PCID2: variants seen among roughly 807,000 people sequenced by gnomAD.
PCID2 encodes the protein PCI domain-containing protein 2.
PCID2 carries 41 observed loss-of-function variants against 61.3 expected under a neutral mutation model. The ratio of observed to expected loss-of-function variants is 0.67; its 90% CI spans 0.52 to 0.87. PCID2 has a LOEUF of 0.87. Among genes scored for constraint, PCID2 ranks in the 40% least tolerant of loss-of-function variants. PCID2 has a pLI of 0.00. For missense variants in PCID2, 392 were observed against 493.4 expected, an observed-to-expected ratio of 0.79 and a Z score of 1.95; for synonymous variants, 187 against 177.8, an observed-to-expected ratio of 1.05 and a Z score of -0.41.
chr13:113,176,504 G>A (rs2037188887), downstream of PCID2, among the ~76,000 whole-genome samples: 1 of 152,302 alleles, frequency 6.6e-6, no homozygotes, highest in Non-Finnish European at 1.5e-5. Flanking sequence ...GCACATGCCT[G>A]TCACCCCAGC....
Position 113,196,196 on chromosome 13 carries a change from T to A in PCID2, c.293A>T (p.His98Leu), listed in dbSNP as rs1303389348. 6.2e-7 allele frequency: 1 copy of A among 1,605,294 alleles called. No individual in the cohort carries two copies. Among genetic ancestry groups the A allele is most frequent in the Non-Finnish European group, 8.5e-7 (1 of 1,173,258 alleles). Residue 98 changes from histidine (H) to leucine (L), a missense_variant, in exon 5 of 14, where the codon CAC becomes CTC. Physicochemically the swap from His to Leu is moderately conservative, Grantham distance 99 (BLOSUM62 -3). Around this residue, in one of 3 missense-constraint regions of PCID2, gnomAD observed 155 missense variants for 164.9 expected, o/e 0.94. Transcript: ENST00000337344. ...VQSFLRAFQA[H>L]KEENWALPVM... ...TCACACTTACCAGTTTTCTTCTTTG[T>A]GGGCCTGGAATGCTCGCAAGAATGA... is the stretch of plus-strand genomic sequence containing the variant.
rs942019197 is a variant in PCID2, at chr13:113,186,644, T to G, written c.468-1084A>C. The stretch of plus-strand genomic sequence containing the variant: ...GCCCTACGGAGTCTCACACTGTATT[T>G]TTACTGCATCTTTTCTGTGTTTAGA... On this transcript the variant is annotated intron_variant, in intron 7 of 13. Coordinates refer to ENST00000337344, the MANE Select transcript of PCID2 (RefSeq NM_001127202.4). The G allele has an allele frequency of 3.9e-5, 6 of 152,184 alleles. No homozygotes were observed. The South Asian group carries it at 8.3e-4, about 21-fold the overall frequency. 9.4% of individuals were successfully genotyped at this position (152,184 alleles called of 1,614,324 possible).
In PCID2 at chr13:113,184,358, C is replaced by T. The variant is rs530835871; in HGVS notation, c.673G>A (p.Asp225Asn). 7.4e-6 allele frequency: 12 copies of T among 1,613,108 alleles called. No individual in the cohort carries two copies. The highest frequency in any genetic ancestry group is 1.7e-4 in the Middle Eastern group (1 of 6,060). Reference sequence around the variant, plus strand: ...ATTAGCAACATACCTTGCTTAAAATCGCTGTCAAACATAGCCTTGCGTCCA... The same window carrying T: ...ATTAGCAACATACCTTGCTTAAAATTGCTGTCAAACATAGCCTTGCGTCCA... ...YVGRKAMFDS[D>N]FKQAEEYLSF... Residue 225 changes from aspartate (D) to asparagine (N), a missense_variant, in exon 9 of 14, where the codon GAT becomes AAT. By Grantham distance (23) the Asp-to-Asn change is conservative. Around this residue, in one of 3 missense-constraint regions of PCID2, gnomAD observed 226 missense variants for 296.5 expected, o/e 0.76. Transcript: ENST00000337344.
At chr13:113,201,199 G>A (rs148329170) in intron 1 of PCID2, among the ~76,000 whole-genome samples, 1,851 of 152,176 alleles carry the variant, frequency 0.012, 33 homozygotes, top group African/African-American at 0.041. Flanking sequence ...CATACAATGC[G>A]ATACTCGGCT....
chr13:113,197,343 G>A, intron 3 of PCID2, 100 bp from the exon 4 acceptor site: 1 of 811,836 alleles, frequency 1.2e-6, no homozygotes, highest in Non-Finnish European at 2.1e-6. Context: ...AGTGGTCCTG[G>A]GATGAAAGGA....
At chr13:113,199,654 T>C (rs2039271935) in intron 2 of PCID2, among the ~76,000 whole-genome samples, 1 of 152,190 alleles carries the variant, frequency 6.6e-6, no homozygotes, top group African/African-American at 2.4e-5. Context: ...GCACCAGCCA[T>C]GGGGTGTTCT....
chr13:113,171,997 G>A, the PCID2 span: 1 of 1,613,280 alleles, frequency 6.2e-7, no homozygotes, highest in Non-Finnish European at 8.5e-7. This position sits in a 1 kb window ranked among gnomAD's most constrained non-coding sequence, Gnocchi z 5.1. Flanking sequence ...GAGGCTCCTG[G>A]TTTCTCACGG....
chr13:113,168,453 C>A, the PCID2 span, among the ~76,000 whole-genome samples: 1 of 152,276 alleles, frequency 6.6e-6, no homozygotes, highest in Non-Finnish European at 1.5e-5. Flanking sequence ...CAGCAGTCCT[C>A]TCCTCTCTGC....
At chr13:113,193,377 A>C (rs1478460146) in intron 6 of PCID2, among the ~76,000 whole-genome samples, 1 of 152,126 alleles carries the variant, frequency 6.6e-6, no homozygotes, top group Non-Finnish European at 1.5e-5. Flanking sequence ...TTTTCCATCT[A>C]CAACTTTGTG....
intron 1 of PCID2, among the ~76,000 whole-genome samples, chr13:113,202,531 T>C (rs2039505587): frequency 1.3e-5 from 2 of 152,244 alleles, no homozygotes; most frequent in African/African-American, 4.8e-5. Context: ...AGGCACACTA[T>C]GCAACCATTT....
Position 113,195,851 on chromosome 13 carries a change from C to T in PCID2, c.308+330G>A, listed in dbSNP as rs2038974583. Among the ~76,000 whole-genome samples, 4 of 152,104 alleles carry T rather than the reference C, an allele frequency of 2.6e-5. No individual in the cohort carries two copies. The South Asian group carries it at 8.3e-4, about 32-fold the overall frequency. ...CCCAAATGAACCGTAGTTGGTCTAC[C>T]TCTTTTATCTAAGGTTTAAAACCAA... On this transcript the variant is annotated intron_variant, in intron 5 of 13. Coordinates refer to ENST00000337344, the MANE Select transcript of PCID2 (RefSeq NM_001127202.4).
At chr13:113,175,145 A>G (rs912574731), downstream of PCID2, among the ~76,000 whole-genome samples, 1 of 152,168 alleles carries the variant, frequency 6.6e-6, no homozygotes, top group Middle Eastern at 3.2e-3. Flanking sequence ...TGGAACTGTG[A>G]GTCCATTAAA....
chr13:113,184,869 C>T (rs1019075586), intron 8 of PCID2, among the ~76,000 whole-genome samples: 2 of 141,818 alleles, frequency 1.4e-5, no homozygotes, highest in African/African-American at 2.7e-5. Context: ...GGAGGCTCTG[C>T]GAAGCCGTTT....
the PCID2 span, among the ~76,000 whole-genome samples, chr13:113,169,155 C>T: frequency 3.3e-5 from 5 of 152,128 alleles, no homozygotes; most frequent in African/African-American, 9.7e-5. Flanking sequence ...CAAAAATCTC[C>T]GTTCTCTCCG....
At chr13:113,168,149 G>C in the PCID2 span, among the ~76,000 whole-genome samples, 7 of 152,234 alleles carry the variant, frequency 4.6e-5, no homozygotes, top group African/African-American at 1.4e-4. Context: ...CATTATTTTT[G>C]TTTAAACAGT....
chr13:113,197,453 C>T (rs916342731), intron 3 of PCID2, among the ~76,000 whole-genome samples: 1 of 152,296 alleles, frequency 6.6e-6, no homozygotes. Flanking sequence ...CCCAGAAGGA[C>T]CTAGCACCAG....
the PCID2 span, chr13:113,166,385 T>C: frequency 1.3e-5 from 2 of 152,114 alleles, no homozygotes; most frequent in East Asian, 3.9e-4. Context: ...CGTACCCGAG[T>C]GTGGCTGCCG....
chr13:113,189,246 T>C (rs2038390030), intron 7 of PCID2, among the ~76,000 whole-genome samples: 1 of 152,134 alleles, frequency 6.6e-6, no homozygotes, highest in Non-Finnish European at 1.5e-5. Flanking sequence ...CAGAAGCAGA[T>C]ACGAGCACCA....
chr13:113,208,280 G>A, intron 1 of PCID2: 2 of 1,436,310 alleles, frequency 1.4e-6, no homozygotes, highest in Non-Finnish European at 1.8e-6. Context: ...AGGCCCTTCG[G>A]ACCGCCTGGG....
Sources: gnomAD v4.1 joint callset for allele counts (sites outside exome capture counted in the v4.1 genomes callset) on GRCh38, gnomAD v4.1.1 for gene constraint, gnomAD v4.1.1 regional missense constraint, Gnocchi (gnomAD v3.1) non-coding constraint, MANE v1.5 for transcripts, NCBI Gene and HGNC (gene_info 2026-07-23, HGNC 2026-07-21) for gene names.